Variants in ARL6 observed in about 807,000 individuals in gnomAD.
ARL6 encodes ARF like GTPase 6, also known as ADP-ribosylation factor-like protein 6.
In ARL6, 18 loss-of-function variants were observed where a neutral mutation model predicts 27.1. The observed-to-expected ratio is 0.66, with a 90% CI of 0.46 to 0.98. The LOEUF is 0.98. Among genes scored for constraint, ARL6 ranks in the 50% least tolerant of loss-of-function variants. The pLI, the probability that ARL6 is intolerant of heterozygous loss-of-function variation, is 0.00. For missense variants in ARL6, 187 were observed against 214.9 expected (o/e 0.87, Z 0.81); for synonymous variants, 65 against 72.3 (o/e 0.90, Z 0.51).
chr3:97,783,172 C>T lies in ARL6; in HGVS notation c.255-1783C>T, dbSNP rs1020676464. Among the ~76,000 whole-genome samples the T allele has an allele frequency of 7.0e-4, 106 of 151,332 alleles. 3 individuals are homozygous for T. The highest frequency in any genetic ancestry group is 7.0e-3 in the Admixed American group (106 of 15,198). On this transcript the variant is annotated intron_variant, in intron 4 of 7. Transcript: ENST00000463745. ...AAAATATAGAAGAGAATATTGAAAA[C>T]ATGTTTCCCATAAATCTCACTATTC...
chr3:97,783,498 A>G (rs891050385), intron 4 of ARL6, among the ~76,000 whole-genome samples: 2 of 151,846 alleles, frequency 1.3e-5, no homozygotes, highest in African/African-American at 2.4e-5. Context: ...CTTCAGTCAA[A>G]ATCTTGTATA....
At chr3:97,785,928 C>G (rs1239147134) in intron 5 of ARL6, among the ~76,000 whole-genome samples, 1 of 152,132 alleles carries the variant, frequency 6.6e-6, no homozygotes, top group Non-Finnish European at 1.5e-5. Flanking sequence ...GTGGGGCTTT[C>G]TAATAAATGT....
rs1553688332 is a variant in ARL6 at position 97,765,211 on chromosome 3, G to GTGTGTGTGT, written c.-28+234_-28+235insTGTGTGTGT. On this transcript the variant is annotated intron_variant, in intron 1 of 7. Transcript: ENST00000463745. ...GCTCAACTTAGACCCGTGTATTGGG[G>GTGTGTGTGT]GTGTGTGTGTGTGTGTGTGTGTGTG... 7.6e-5 allele frequency among the ~76,000 whole-genome samples: 8 copies of GTGTGTGTGT among 105,536 alleles called. No homozygotes were observed. The Admixed American group carries it at 8.7e-4, about 11-fold the overall frequency. 69.2% of individuals were successfully genotyped at this position (105,536 alleles called of 152,430 possible).
chr3:97,781,475 A>G (rs4857291), intron 4 of ARL6, among the ~76,000 whole-genome samples: 109,576 of 151,964 alleles, frequency 0.72, 41,150 homozygotes, highest in East Asian at 0.85. Flanking sequence ...ATGAGGTCAT[A>G]TGTAGGCATT....
At chr3:97,797,411 A>G (rs759262072) in intron 7 of ARL6, among the ~76,000 whole-genome samples, 1 of 152,178 alleles carries the variant, frequency 6.6e-6, no homozygotes, top group Non-Finnish European at 1.5e-5. Flanking sequence ...CTTAGCTGTG[A>G]ATAGCATTTA....
intron 1 of ARL6, among the ~76,000 whole-genome samples, chr3:97,765,821 C>G (rs2036351588): frequency 6.6e-6 from 1 of 152,202 alleles, no homozygotes; most frequent in African/African-American, 2.4e-5. Flanking sequence ...TCTCGCTGCA[C>G]ACTTAAGACA....
chr3:97,778,501 G>A (rs1332323639), intron 2 of ARL6, among the ~76,000 whole-genome samples: 1 of 152,076 alleles, frequency 6.6e-6, no homozygotes, highest in African/African-American at 2.4e-5. Flanking sequence ...CAGAGTGAAT[G>A]TAATAGTGTG....
intron 5 of ARL6, among the ~76,000 whole-genome samples, chr3:97,786,030 T>C (rs2037441062): frequency 6.6e-6 from 1 of 152,190 alleles, no homozygotes; most frequent in Non-Finnish European, 1.5e-5. Context: ...CTGTACATTT[T>C]ATTTGACTTT....
chr3:97,778,634 G>T (rs2037026611), intron 2 of ARL6, among the ~76,000 whole-genome samples: 2 of 152,226 alleles, frequency 1.3e-5, no homozygotes, highest in South Asian at 4.2e-4. Context: ...AAATCAGTGA[G>T]CATGTAATTA....
chr3:97,793,630 C>T (rs2037850237), intron 7 of ARL6, among the ~76,000 whole-genome samples: 1 of 152,134 alleles, frequency 6.6e-6, no homozygotes, highest in African/African-American at 2.4e-5. Flanking sequence ...CAGTAGCAAT[C>T]CAACATCACA....
chr3:97,788,037 G>T lies in ARL6; in HGVS notation c.397G>T (p.Asp133Tyr). The T allele has an allele frequency of 6.2e-7, 1 of 1,612,938 alleles. No individual in the cohort carries two copies. Among genetic ancestry groups the T allele is most frequent in the Non-Finnish European group, 8.5e-7 (1 of 1,179,214 alleles). Residue 133 changes from aspartate (D) to tyrosine (Y), a missense_variant, in exon 6 of 8, where the codon GAT becomes TAT. Transcript: ENST00000463745. ...IPILFFANKMDLRDAVTSVKV... is the reference protein window; with the variant it reads ...IPILFFANKMYLRDAVTSVKV... ...AATCTTATTCTTTGCAAATAAAATG[G>T]ATCTTAGAGATGCAGTGACATCTGT...
intron 6 of ARL6, among the ~76,000 whole-genome samples, chr3:97,790,364 G>A (rs1425133461): frequency 6.6e-6 from 1 of 152,082 alleles, no homozygotes; most frequent in Non-Finnish European, 1.5e-5. Context: ...GGAGCAGCAA[G>A]AAGTCCAGAT....
intron 4 of ARL6, among the ~76,000 whole-genome samples, chr3:97,782,811 T>C (rs1398479703): frequency 6.6e-6 from 1 of 150,508 alleles, no homozygotes; most frequent in Non-Finnish European, 1.5e-5. Context: ...TTGCTATATA[T>C]ATAACCATAG....
At chr3:97,771,617 C>CAGTATATTATATATATATA (rs1188301120) in intron 2 of ARL6, among the ~76,000 whole-genome samples, 1,796 of 152,068 alleles carry the variant, frequency 0.012, 25 homozygotes, top group African/African-American at 0.041. Context: ...TTTAGTTTTT[C>CAGTATATTATATATATATA]TCCATTCAGT....
chr3:97,795,739 A>T (rs1487123365), intron 7 of ARL6, among the ~76,000 whole-genome samples: 5 of 152,196 alleles, frequency 3.3e-5, no homozygotes, highest in Non-Finnish European at 5.9e-5. Context: ...ATGAAAAGAG[A>T]AGATATGATT....
At chr3:97,774,502 G>A (rs1034520835) in intron 2 of ARL6, among the ~76,000 whole-genome samples, 1 of 152,076 alleles carries the variant, frequency 6.6e-6, no homozygotes, top group Non-Finnish European at 1.5e-5. Context: ...CAGCATGGGT[G>A]GGGGAGGGGA....
chr3:97,791,986 TC>T (rs571422149), intron 7 of ARL6, 160 bp downstream of exon 7: 94 of 628,924 alleles, frequency 1.5e-4, no homozygotes, highest in Non-Finnish European at 2.3e-4. Flanking sequence ...AATACCTTGT[TC>T]CATTTACTTC....
chr3:97,777,023 A>T (rs1017315495), intron 2 of ARL6, among the ~76,000 whole-genome samples: 2 of 152,240 alleles, frequency 1.3e-5, no homozygotes, highest in African/African-American at 4.8e-5. Context: ...TATTCATTTG[A>T]TAACTGGCTT....
Position 97,780,669 on chromosome 3 carries a change from G to A in ARL6, c.240G>A (p.Trp80Ter). Reference protein sequence around the residue: ...MSGQGRYRNLWEHYYKEGQAI... With the variant: ...MSGQGRYRNL ...GTCAAGGAAGATACAGAAATCTCTG[G>A]GAACACTATTATAAGTAAGTACATC... The change falls in exon 4 of 8, where the codon TGG becomes TGA. Residue 80 changes from tryptophan to a stop codon, truncating the protein, a stop_gained. Transcript: ENST00000463745. LOFTEE classifies it high-confidence loss of function. 6.2e-7 allele frequency: 1 copy of A among 1,611,440 alleles called. No homozygotes were observed. The highest frequency in any genetic ancestry group is 8.5e-7 in the Non-Finnish European group (1 of 1,177,964).
Sources: gnomAD v4.1 joint callset for allele counts (sites outside exome capture counted in the v4.1 genomes callset) on GRCh38, gnomAD v4.1.1 for gene constraint, MANE v1.5 for transcripts, NCBI Gene and HGNC (gene_info 2026-07-23, HGNC 2026-07-21) for gene names.